Variants in RNF175 observed in about 807,000 individuals in gnomAD.
The protein encoded by RNF175 is ring finger protein 175.
RNF175 carries 38 observed loss-of-function variants against 50.0 expected under a neutral mutation model. The ratio of observed to expected loss-of-function variants is 0.76; its 90% CI spans 0.59 to 1.00. The LOEUF (loss-of-function observed/expected upper bound fraction) is 1.00, where lower values mean the gene tolerates loss of function less well. Among genes scored for constraint, RNF175 ranks in the 50% least tolerant of loss-of-function variants. The pLI, the probability that RNF175 is intolerant of heterozygous loss-of-function variation, is 0.00. For missense variants in RNF175, 388 were observed against 409.6 expected (o/e 0.95, Z 0.46); for synonymous variants, 155 against 146.1 (o/e 1.06, Z -0.44).
At chr4:153,718,232 TTGTTTG>T (rs1560770732) in intron 6 of RNF175, among the ~76,000 whole-genome samples, 1,299 of 63,992 alleles carry the variant, frequency 0.02, 131 homozygotes, top group African/African-American at 0.029. Flanking sequence ...GTTTGTTTGT[TTGTTTG>T]TTTTTTTTTT....
intron 2 of RNF175, among the ~76,000 whole-genome samples, chr4:153,749,326 G>T (rs191021443): frequency 6.6e-6 from 1 of 152,312 alleles, no homozygotes; most frequent in East Asian, 1.9e-4. Flanking sequence ...TGCATCATAT[G>T]AAACTTCAAT....
chr4:153,723,689 T>C, intron 4 of RNF175, among the ~76,000 whole-genome samples: 1 of 152,208 alleles, frequency 6.6e-6, no homozygotes, highest in East Asian at 1.9e-4. Flanking sequence ...GTGAATTCTT[T>C]TTAAATTTGT....
chr4:153,755,998 T>C (rs1740544043), intron 1 of RNF175, among the ~76,000 whole-genome samples: 1 of 152,198 alleles, frequency 6.6e-6, no homozygotes, highest in Non-Finnish European at 1.5e-5. Context: ...TAAAGAGACA[T>C]CTGTAATAAA....
intron 1 of RNF175, among the ~76,000 whole-genome samples, chr4:153,751,744 T>C (rs1444330273): frequency 6.6e-6 from 1 of 152,212 alleles, no homozygotes; most frequent in Non-Finnish European, 1.5e-5. Flanking sequence ...TGGTTTTGTT[T>C]TGGCAAATCA....
intron 3 of RNF175, among the ~76,000 whole-genome samples, chr4:153,740,536 G>T (rs919135805): frequency 1.2e-4 from 19 of 152,126 alleles, no homozygotes; most frequent in Admixed American, 2.6e-4. Context: ...CTGTGCAATA[G>T]AATACCAGAA....
intron 2 of RNF175, 59 bp downstream of exon 2, chr4:153,751,379 T>C: frequency 1.7e-6 from 2 of 1,175,866 alleles, no homozygotes; most frequent in Non-Finnish European, 2.4e-6. Context: ...TTTTCTCAAC[T>C]GTTAAGATAA....
intron 1 of RNF175, among the ~76,000 whole-genome samples, chr4:153,759,153 T>A (rs890496052): frequency 6.6e-6 from 1 of 152,128 alleles, no homozygotes; most frequent in African/African-American, 2.4e-5. Context: ...AGAAGAATTG[T>A]CCTATGAACG....
chr4:153,723,077 T>C (rs1449400969), intron 5 of RNF175: 2 of 224,794 alleles, frequency 8.9e-6, no homozygotes, highest in African/African-American at 4.5e-5. Context: ...TCTAGCACAA[T>C]TGTAGGTCCA....
intron 3 of RNF175, among the ~76,000 whole-genome samples, chr4:153,736,740 T>C (rs1560785699): frequency 6.6e-6 from 1 of 152,224 alleles, no homozygotes; most frequent in Non-Finnish European, 1.5e-5. Flanking sequence ...AGTTTTGGTA[T>C]AGTTTGTGTC....
intron 3 of RNF175, among the ~76,000 whole-genome samples, chr4:153,731,923 T>C (rs2127129845): frequency 6.6e-6 from 1 of 151,854 alleles, no homozygotes. Context: ...AGAGTGTGAA[T>C]ATAAAGCAAG....
At chr4:153,714,614 G>T (rs1489227238) in intron 7 of RNF175, 1 of 152,166 alleles carries the variant, frequency 6.6e-6, no homozygotes, top group Non-Finnish European at 1.5e-5. Context: ...AAAGATAAAT[G>T]ATACCCTTTT....
At chr4:153,741,467 T>G (rs1219570651) in intron 3 of RNF175, among the ~76,000 whole-genome samples, 2 of 152,234 alleles carry the variant, frequency 1.3e-5, no homozygotes, top group South Asian at 4.1e-4. Context: ...CACTACTCTA[T>G]GCACTGCTTC....
intron 1 of RNF175, 134 bp downstream of exon 1, chr4:153,759,663 A>G (rs1740729843): frequency 5.5e-6 from 3 of 544,186 alleles, no homozygotes; most frequent in Non-Finnish European, 9.3e-6. Context: ...GTCCGTCCCC[A>G]CGTCTTTCCA....
At chr4:153,749,456 A>G (rs1359994981) in intron 2 of RNF175, among the ~76,000 whole-genome samples, 2 of 152,206 alleles carry the variant, frequency 1.3e-5, no homozygotes, top group African/African-American at 4.8e-5. Flanking sequence ...CCAGGGGGCA[A>G]TGGAAAGCTT....
At chr4:153,712,454 C>G in intron 8 of RNF175, 21 bp downstream of exon 8, 1 of 1,324,854 alleles carries the variant, frequency 7.5e-7, no homozygotes, top group Non-Finnish European at 1.1e-6. Context: ...TCTCTTATAA[C>G]CTTTTTGTTT....
Position 153,759,884 on chromosome 4 carries a change from C to A in RNF175, c.-22G>T. On this transcript the variant is annotated 5_prime_UTR_variant, in exon 1 of 9. Coordinates refer to ENST00000347063, the MANE Select transcript of RNF175 (RefSeq NM_173662.4). ...CCATGCCTGAGCCACTGTGCCTTCT[C>A]CAGGGCACAGCGCCTGCCGGGGAGG... 1 of 1,375,976 alleles carries A rather than the reference C, an allele frequency of 7.3e-7. No homozygotes were observed. Among genetic ancestry groups the A allele is most frequent in the Non-Finnish European group, 9.4e-7 (1 of 1,066,902 alleles). The allele number at this position is 1,375,976 out of a possible 1,614,324, so 85.2% of individuals were successfully genotyped here.
intron 4 of RNF175, among the ~76,000 whole-genome samples, chr4:153,724,470 C>T (rs940491052): frequency 2.0e-5 from 3 of 152,270 alleles, no homozygotes; most frequent in South Asian, 2.1e-4. Flanking sequence ...GCCTCACATC[C>T]CTTTCCCTGC....
chr4:153,733,905 T>C (rs1739186719), intron 3 of RNF175, among the ~76,000 whole-genome samples: 1 of 152,270 alleles, frequency 6.6e-6, no homozygotes, highest in Admixed American at 6.5e-5. Flanking sequence ...ATTGTTTTGC[T>C]GTCTCTATAG....
rs898231834 is a variant in RNF175, at chr4:153,759,955, C to T, written c.-93G>A. On this transcript the variant is annotated 5_prime_UTR_variant, in exon 1 of 9. Transcript: ENST00000347063. ...GGAGGCGCCGCGGGGCCTCGGGAGC[C>T]GAGGGTGAGAGCCGGATCTGCGGCG... The T allele has an allele frequency of 2.2e-5, 16 of 729,334 alleles. No homozygotes were observed. The African/African-American group carries it at 2.4e-4, about 11-fold the overall frequency. The allele number at this position is 729,334 out of a possible 1,614,324, so 45.2% of individuals were successfully genotyped here. A position where few individuals can be genotyped will look rare whatever the true frequency, so the allele number is the denominator to read the frequency against.
Sources: allele counts gnomAD v4.1 joint callset (sites outside exome capture counted in the v4.1 genomes callset), GRCh38; gene constraint gnomAD v4.1.1; transcripts MANE v1.5; gene names NCBI Gene and HGNC (gene_info 2026-07-23, HGNC 2026-07-21).